Variants in EXOC5 observed in about 807,000 individuals in gnomAD.
The protein encoded by EXOC5 is exocyst complex component 5.
EXOC5 carries 17 observed loss-of-function variants against 90.8 expected under a neutral mutation model. That is an observed-to-expected ratio of 0.19 (90% CI 0.13 to 0.28). The LOEUF (loss-of-function observed/expected upper bound fraction) is 0.28, where lower values mean the gene tolerates loss of function less well. Among genes scored for constraint, EXOC5 ranks in the 10% least tolerant of loss-of-function variants. The pLI is 1.00. For missense variants in EXOC5, 569 were observed against 830.6 expected, an observed-to-expected ratio of 0.69 and a Z score of 3.87; for synonymous variants, 260 against 270.0, an observed-to-expected ratio of 0.96 and a Z score of 0.36.
At chr14:57,234,512 T>C (rs919631092) in intron 7 of EXOC5, among the ~76,000 whole-genome samples, 2 of 133,952 alleles carry the variant, frequency 1.5e-5, no homozygotes, top group African/African-American at 5.7e-5. Context: ...TATATATACG[T>C]GTGTGTGTGT....
intron 1 of EXOC5, among the ~76,000 whole-genome samples, chr14:57,254,738 T>C (rs945915180): frequency 6.6e-6 from 1 of 152,138 alleles, no homozygotes; most frequent in Admixed American, 6.5e-5. Flanking sequence ...GCACTCATTA[T>C]GGGATTAATG....
At chr14:57,254,661 T>C (rs970378696) in intron 1 of EXOC5, among the ~76,000 whole-genome samples, 4 of 152,114 alleles carry the variant, frequency 2.6e-5, no homozygotes, top group Admixed American at 1.3e-4. Flanking sequence ...TAACTCCCAA[T>C]GTGATGGTAT....
At chr14:57,253,537 C>A (rs894650786) in intron 1 of EXOC5, among the ~76,000 whole-genome samples, 2 of 152,098 alleles carry the variant, frequency 1.3e-5, no homozygotes, top group Non-Finnish European at 2.9e-5. Context: ...AATAGACAAA[C>A]CCCGAAGAGC....
At chr14:57,247,140 T>A (rs1204921987) in intron 2 of EXOC5, among the ~76,000 whole-genome samples, 1 of 152,150 alleles carries the variant, frequency 6.6e-6, no homozygotes, top group Non-Finnish European at 1.5e-5. Flanking sequence ...TTTTCGTGGA[T>A]CATCTCAGAG....
intron 1 of EXOC5, among the ~76,000 whole-genome samples, chr14:57,254,751 C>G (rs1884298801): frequency 6.6e-6 from 1 of 152,036 alleles, no homozygotes; most frequent in African/African-American, 2.4e-5. Flanking sequence ...GATTAATGTT[C>G]TTACAGGAAA....
rs1315728816 is a variant in EXOC5 at position 57,202,759 on chromosome 14, G to A, written c.*5850C>T. On this transcript the variant is annotated 3_prime_UTR_variant, in exon 18 of 18. Transcript: ENST00000621441. ...AAATTTTTCTCATGCAAGACTTTCA[G>A]AATCTTGTTTACACACATGCACACA... The A allele has an allele frequency of 6.6e-6, 1 of 152,124 alleles. No individual in the cohort carries two copies. The highest frequency in any genetic ancestry group is 1.5e-5 in the Non-Finnish European group (1 of 68,024). 9.4% of individuals were successfully genotyped at this position (152,124 alleles called of 1,614,324 possible).
In EXOC5 at chr14:57,204,894, G is replaced by A. The variant is rs1026574373; in HGVS notation, c.*3715C>T. On this transcript the variant is annotated 3_prime_UTR_variant, in exon 18 of 18. Transcript: ENST00000621441. ...CAATAAGAATCATATTGGAAGCAACGATTAAGCAAAACTAATGAACCTATC... is the reference window on the plus strand; with the variant it reads ...CAATAAGAATCATATTGGAAGCAACAATTAAGCAAAACTAATGAACCTATC... 1 of 152,132 alleles carries A rather than the reference G, an allele frequency of 6.6e-6. No homozygotes were observed. The highest frequency in any genetic ancestry group is 1.5e-5 in the Non-Finnish European group (1 of 67,882). 9.4% of individuals were successfully genotyped at this position (152,132 alleles called of 1,614,324 possible). A position where few individuals can be genotyped will look rare whatever the true frequency, so the allele number is the denominator to read the frequency against.
At chr14:57,232,922 T>A (rs1402947128) in intron 9 of EXOC5, 173 bp from the exon 10 acceptor site, 4 of 487,896 alleles carry the variant, frequency 8.2e-6, no homozygotes, top group Non-Finnish European at 1.1e-5. Flanking sequence ...TAAAACAGGT[T>A]TTTACATTTT....
At chr14:57,249,510 C>A (rs1035692833) in intron 1 of EXOC5, among the ~76,000 whole-genome samples, 1 of 151,974 alleles carries the variant, frequency 6.6e-6, no homozygotes, top group Non-Finnish European at 1.5e-5. Context: ...TTTTTTCATA[C>A]AAAATATTTT....
chr14:57,261,476 T>G (rs766995634), intron 1 of EXOC5, among the ~76,000 whole-genome samples: 4 of 152,240 alleles, frequency 2.6e-5, no homozygotes, highest in African/African-American at 4.8e-5. Context: ...CTATTACTCT[T>G]AAGCATCAAC....
At chr14:57,246,649 C>T in intron 3 of EXOC5, 62 bp downstream of exon 3, 2 of 1,416,668 alleles carry the variant, frequency 1.4e-6, no homozygotes, top group East Asian at 4.6e-5. Flanking sequence ...GAGCTTAAAA[C>T]TGGAAGAAAA....
intron 1 of EXOC5, among the ~76,000 whole-genome samples, chr14:57,262,536 ATATGTGTGTGTG>A (rs896571864): frequency 4.3e-5 from 5 of 115,992 alleles, no homozygotes; most frequent in African/African-American, 2.8e-4. Flanking sequence ...GTGTAAATAC[ATATGTGTGTGTG>A]TGTGTGTGTG....
At chr14:57,256,888 C>T (rs1045866220) in intron 1 of EXOC5, among the ~76,000 whole-genome samples, 1 of 152,196 alleles carries the variant, frequency 6.6e-6, no homozygotes, top group African/African-American at 2.4e-5. Context: ...TGCCACTGGA[C>T]GAAAACTGTA....
At chr14:57,231,212 T>C (rs1883476883) in intron 11 of EXOC5, among the ~76,000 whole-genome samples, 1 of 152,066 alleles carries the variant, frequency 6.6e-6, no homozygotes, top group Non-Finnish European at 1.5e-5. Context: ...TTTCACCACG[T>C]TGGCCAGGCT....
intron 15 of EXOC5, among the ~76,000 whole-genome samples, chr14:57,212,232 C>T (rs1882849791): frequency 6.6e-6 from 1 of 152,182 alleles, no homozygotes; most frequent in African/African-American, 2.4e-5. Flanking sequence ...TGAATAAAGT[C>T]ACATTGGGAA....
In EXOC5 at chr14:57,246,748, A is replaced by C. The variant is rs1348892733; in HGVS notation, c.233T>G (p.Phe78Cys). The C allele has an allele frequency of 6.2e-7, 1 of 1,611,250 alleles. No individual in the cohort carries two copies. The highest frequency in any genetic ancestry group is 8.5e-7 in the Non-Finnish European group (1 of 1,179,502). ...EQQCQKEAKE[F>C]AKKVQELQKS... ...CTGCAGCTCTTGTACCTTCTTGGCAAATTCCTTGGCTTCTTTCTGACATTG... is the reference window on the plus strand; with the variant it reads ...CTGCAGCTCTTGTACCTTCTTGGCACATTCCTTGGCTTCTTTCTGACATTG... The change falls in exon 3 of 18, where the codon TTT becomes TGT. Residue 78 changes from phenylalanine (F) to cysteine (C), a missense_variant. By Grantham distance (205) the Phe-to-Cys change is radical. Transcript: ENST00000621441.
At chr14:57,255,962 G>A (rs1719154896) in intron 1 of EXOC5, among the ~76,000 whole-genome samples, 2 of 152,062 alleles carry the variant, frequency 1.3e-5, no homozygotes, top group Non-Finnish European at 2.9e-5. Flanking sequence ...AGAGGTAAAA[G>A]CAGAAAGTGG....
Position 57,206,855 on chromosome 14 carries a change from TTTC to T in EXOC5, c.*1751_*1753del, listed in dbSNP as rs1882672615. The T allele has an allele frequency of 6.6e-6, 1 of 152,508 alleles. No homozygotes were observed. The highest frequency in any genetic ancestry group is 2.1e-4 in the South Asian group (1 of 4,836). 9.4% of individuals were successfully genotyped at this position (152,508 alleles called of 1,614,324 possible). A position where few individuals can be genotyped will look rare whatever the true frequency, so the allele number is the denominator to read the frequency against. The stretch of plus-strand genomic sequence containing the variant: ...TTTTATTTGAGATTTTTTTTCGTTT[TTTC>T]TTTTTTACAAATTGACACTGTACAA... On this transcript the variant is annotated 3_prime_UTR_variant, in exon 18 of 18. Transcript: ENST00000621441.
chr14:57,213,406 T>C (rs1230180092), intron 15 of EXOC5, among the ~76,000 whole-genome samples: 1 of 151,550 alleles, frequency 6.6e-6, no homozygotes, highest in Non-Finnish European at 1.5e-5. Flanking sequence ...TTTATTTTTA[T>C]ATATTTATTT....
Sources: gnomAD v4.1 joint callset for allele counts (sites outside exome capture counted in the v4.1 genomes callset) on GRCh38, gnomAD v4.1.1 for gene constraint, MANE v1.5 for transcripts, NCBI Gene and HGNC (gene_info 2026-07-23, HGNC 2026-07-21) for gene names.